Variants in ZMYND8 observed in about 807,000 individuals in gnomAD.
The protein encoded by ZMYND8 is zinc finger MYND-type containing 8.
In ZMYND8, 37 loss-of-function variants were observed where a neutral mutation model predicts 140.8. The observed-to-expected ratio is 0.26, with a 90% CI of 0.20 to 0.35. ZMYND8 has a LOEUF of 0.35. ZMYND8 is among the 10% of genes least tolerant of loss of function. The pLI is 1.00. For missense variants in ZMYND8, 1,068 were observed against 1,570.0 expected (o/e 0.68, Z 5.40); for synonymous variants, 592 against 597.1 (o/e 0.99, Z 0.12).
intron 14 of ZMYND8, among the ~76,000 whole-genome samples, chr20:47,243,922 A>G (rs1239478254): frequency 6.6e-6 from 1 of 152,186 alleles, no homozygotes; most frequent in East Asian, 1.9e-4. Context: ...TAACATACTC[A>G]TATTTTTCAG....
At chr20:47,227,828 C>T (rs1056404477) in intron 17 of ZMYND8, among the ~76,000 whole-genome samples, 7 of 152,170 alleles carry the variant, frequency 4.6e-5, no homozygotes, top group Non-Finnish European at 7.3e-5. Context: ...TGCGGTGGCT[C>T]GCGCCTGTAA....
rs147851719 is a variant in ZMYND8, at chr20:47,283,616, A to G, written c.837T>C (p.Tyr279=). 618 of 1,614,138 alleles carry G rather than the reference A, an allele frequency of 3.8e-4. 3 individuals are homozygous for G. Among genetic ancestry groups the G allele is most frequent in the African/African-American group, 4.4e-4 (33 of 75,060 alleles). Residue 279 remains tyrosine, a synonymous_variant, in exon 9 of 23, where the codon TAT becomes TAC. Coordinates refer to ENST00000471951, the MANE Select transcript of ZMYND8 (RefSeq NM_001281775.3). ...TATCTCGTTTTTGGCAAGCAGCTAGATAACATTCTGGACATACTTCGATTT... is the reference window on the plus strand; with the variant it reads ...TATCTCGTTTTTGGCAAGCAGCTAGGTAACATTCTGGACATACTTCGATTT... ...MNEIEVCPEC[Y]LAACQKRDNW...
chr20:47,337,203 T>C (rs2081453419), intron 2 of ZMYND8, among the ~76,000 whole-genome samples: 1 of 151,574 alleles, frequency 6.6e-6, no homozygotes, highest in Non-Finnish European at 1.5e-5. Context: ...AATACAAAAA[T>C]TAGCCGGGCG....
chr20:47,232,897 GTTTTTTTTGT>G (rs1463538675), intron 16 of ZMYND8, among the ~76,000 whole-genome samples: 1,545 of 70,168 alleles, frequency 0.022, 24 homozygotes, highest in African/African-American at 0.061. Context: ...GTTTTTTTTT[GTTTTTTTTGT>G]TTTTTTTTTT....
At chr20:47,254,346 G>GA in intron 12 of ZMYND8, among the ~76,000 whole-genome samples, 1 of 152,308 alleles carries the variant, frequency 6.6e-6, no homozygotes, top group East Asian at 1.9e-4. Context: ...TGTGGCCTCT[G>GA]ATGCTCAATT....
Position 47,249,408 on chromosome 20 carries a change from C to T in ZMYND8, c.1653G>A (p.Glu551=), listed in dbSNP as rs1235911105. Residue 551 remains glutamate, a synonymous_variant, in exon 13 of 23, where the codon GAG becomes GAA. Coordinates refer to ENST00000471951, the MANE Select transcript of ZMYND8 (RefSeq NM_001281775.3). Reference sequence around the variant, plus strand: ...ACTGTTGCTGGACCGACTCGCTCAGCTCCTTCAAATCCATCTCAGCTTTGC... The same window carrying T: ...ACTGTTGCTGGACCGACTCGCTCAGTTCCTTCAAATCCATCTCAGCTTTGC... ...DRSKAEMDLK[E]LSESVQQQST... is the part of the protein sequence containing the mutation. 8 of 1,614,180 alleles carry T rather than the reference C, an allele frequency of 5.0e-6. No homozygotes were observed. The highest frequency in any genetic ancestry group is 5.9e-6 in the Non-Finnish European group (7 of 1,180,022).
chr20:47,268,881 A>C (rs1277936146), intron 11 of ZMYND8, among the ~76,000 whole-genome samples: 1 of 152,162 alleles, frequency 6.6e-6, no homozygotes, highest in Non-Finnish European at 1.5e-5. Flanking sequence ...GGTGCTTGCT[A>C]AAAGAGTGAT....
intron 16 of ZMYND8, among the ~76,000 whole-genome samples, chr20:47,232,015 T>A (rs1319406253): frequency 1.3e-5 from 2 of 152,224 alleles, no homozygotes; most frequent in African/African-American, 4.8e-5. Context: ...GAAAAGTTCA[T>A]CAGCTCCCAA....
chr20:47,219,453 G>A (rs2036614972), intron 21 of ZMYND8, among the ~76,000 whole-genome samples: 1 of 151,460 alleles, frequency 6.6e-6, no homozygotes, highest in Non-Finnish European at 1.5e-5. Context: ...TTGAGCCTGG[G>A]AGGCGGAGGT....
At chr20:47,230,546 G>A (rs997452972) in intron 16 of ZMYND8, among the ~76,000 whole-genome samples, 9 of 151,874 alleles carry the variant, frequency 5.9e-5, no homozygotes, top group Admixed American at 1.3e-4. Context: ...CACCCACCTC[G>A]GCCTCCCAAA....
chr20:47,238,564 T>A, intron 15 of ZMYND8, 194 bp downstream of exon 15: 1 of 1,098,510 alleles, frequency 9.1e-7, no homozygotes, highest in Non-Finnish European at 1.3e-6. Flanking sequence ...AAAAAAACTT[T>A]TTGAAAGTAA....
At chr20:47,245,948 G>A (rs1329260334) in intron 14 of ZMYND8, 60 bp downstream of exon 14, 2 of 1,526,068 alleles carry the variant, frequency 1.3e-6, no homozygotes, top group East Asian at 2.3e-5. Context: ...TTGATAGTAA[G>A]TGTACGAGGT....
chr20:47,303,216 G>A (rs987982811), intron 3 of ZMYND8, among the ~76,000 whole-genome samples: 6 of 152,080 alleles, frequency 3.9e-5, no homozygotes, highest in South Asian at 4.1e-4. Context: ...GGAAGAGAGG[G>A]CGGGGAACTC....
intron 2 of ZMYND8, among the ~76,000 whole-genome samples, chr20:47,318,097 G>A (rs1034024603): frequency 2.6e-5 from 4 of 151,834 alleles, no homozygotes; most frequent in Non-Finnish European, 5.9e-5. Context: ...CTTGCTTTCT[G>A]GAAGGAGCAT....
Position 47,246,170 on chromosome 20 carries a change from C to T in ZMYND8, c.2122G>A (p.Asp708Asn). 1 of 1,614,140 alleles carries T rather than the reference C, an allele frequency of 6.2e-7. No individual in the cohort carries two copies. Among genetic ancestry groups the T allele is most frequent in the Non-Finnish European group, 8.5e-7 (1 of 1,180,038 alleles). The change falls in exon 14 of 23, where the codon GAT becomes AAT. Residue 708 changes from aspartate (D) to asparagine (N), a missense_variant. Coordinates refer to ENST00000471951, the MANE Select transcript of ZMYND8 (RefSeq NM_001281775.3). ...GTCTCATCTTTTCCCTTCAGTTTAT[C>T]CTTTATGGGGTGAGGTGAAGGTTTT... is the stretch of plus-strand genomic sequence containing the variant. ...KAKPSPHPIK[D>N]KLKGKDETDS... is the part of the protein sequence containing the mutation.
chr20:47,351,767 G>A (rs2082802726), intron 1 of ZMYND8: 5 of 985,400 alleles, frequency 5.1e-6, no homozygotes, highest in Non-Finnish European at 6.0e-6. Flanking sequence ...TTAAAATGGC[G>A]TCTGGCAACA....
intron 16 of ZMYND8, among the ~76,000 whole-genome samples, chr20:47,230,189 CCATAAAGCTAGTTTCCATACCCA>C (rs546453605): frequency 5.9e-5 from 9 of 152,272 alleles, no homozygotes; most frequent in Admixed American, 3.9e-4. Context: ...CACTTCATAA[CCATAAAGCTAGTTTCCATACCCA>C]CATAAAGCTA....
intron 18 of ZMYND8, among the ~76,000 whole-genome samples, chr20:47,226,928 C>A (rs2037791427): frequency 6.6e-6 from 1 of 152,142 alleles, no homozygotes; most frequent in Non-Finnish European, 1.5e-5. Context: ...TCCCAAAGCG[C>A]TGGAATTACA....
chr20:47,256,196 C>T (rs1243040634), intron 12 of ZMYND8, among the ~76,000 whole-genome samples: 2 of 151,154 alleles, frequency 1.3e-5, no homozygotes, highest in African/African-American at 4.9e-5. Context: ...AAGACCCTAG[C>T]TGGCCAGGCA....
Sources: gnomAD v4.1 joint callset for allele counts (sites outside exome capture counted in the v4.1 genomes callset) on GRCh38, gnomAD v4.1.1 for gene constraint, MANE v1.5 for transcripts, NCBI Gene and HGNC (gene_info 2026-07-23, HGNC 2026-07-21) for gene names.